The following POU6F2 variants were observed in gnomAD, a reference collection of about 807,000 sequenced individuals.
The protein encoded by POU6F2 is POU domain, class 6, transcription factor 2.
POU6F2 carries 31 observed loss-of-function variants against 71.3 expected under a neutral mutation model. The ratio of observed to expected loss-of-function variants is 0.43; its 90% CI spans 0.33 to 0.59. The LOEUF is 0.59. Ranked by LOEUF, POU6F2 falls within the 20% of genes least tolerant of loss-of-function variation. The pLI, the probability that POU6F2 is intolerant of heterozygous loss-of-function variation, is 0.04. For missense variants in POU6F2, 783 were observed against 856.8 expected, an observed-to-expected ratio of 0.91 and a Z score of 1.07; for synonymous variants, 347 against 355.7, an observed-to-expected ratio of 0.98 and a Z score of 0.27.
At chr7:39,231,602 A>G (rs879674170) in intron 4 of POU6F2, among the ~76,000 whole-genome samples, 1 of 152,162 alleles carries the variant, frequency 6.6e-6, no homozygotes, top group Non-Finnish European at 1.5e-5. Context: ...TCTTAGAGTT[A>G]AGCGGGTCTC....
chr7:39,305,891 C>T (rs1194271634), intron 4 of POU6F2, among the ~76,000 whole-genome samples: 1 of 152,178 alleles, frequency 6.6e-6, no homozygotes, highest in African/African-American at 2.4e-5. Flanking sequence ...TAAATTTACT[C>T]TTAGAAAACT....
At chr7:39,062,407 G>T (rs760349508) in intron 1 of POU6F2, among the ~76,000 whole-genome samples, 1 of 151,718 alleles carries the variant, frequency 6.6e-6, no homozygotes, top group South Asian at 2.1e-4. Flanking sequence ...GTTTGAACAC[G>T]ATCTACCTTC....
At chr7:39,005,951 T>C (rs910559224) in intron 1 of POU6F2, among the ~76,000 whole-genome samples, 2 of 152,144 alleles carry the variant, frequency 1.3e-5, no homozygotes, top group African/African-American at 4.8e-5. Context: ...CTGACAGAGA[T>C]CCAGGATAAT....
intron 2 of POU6F2, among the ~76,000 whole-genome samples, chr7:39,177,967 T>C (rs1225592490): frequency 6.6e-6 from 1 of 152,156 alleles, no homozygotes; most frequent in Non-Finnish European, 1.5e-5. Context: ...GCTTTAAAAC[T>C]TTCTTCAGCC....
chr7:39,363,650 C>T (rs186090746), intron 5 of POU6F2, among the ~76,000 whole-genome samples: 9 of 148,252 alleles, frequency 6.1e-5, no homozygotes, highest in Non-Finnish European at 3.0e-5. Context: ...AATTGGCCTA[C>T]GAGATTAAGA....
At position 39,235,498 on chromosome 7, in the gene POU6F2, TCTC is replaced by T. The variant is rs1794659341; in HGVS notation, c.598+27881_598+27883del. On this transcript the variant is annotated intron_variant, in intron 4 of 9. Transcript: ENST00000518318. Reference sequence around the variant, plus strand: ...TTCACCACCGGGCCACCCTGCCCCTTCTCCTGCCAGTCCACTGGGCTTTCTCCC... The same window carrying T: ...TTCACCACCGGGCCACCCTGCCCCTTCTGCCAGTCCACTGGGCTTTCTCCC... Among the ~76,000 whole-genome samples the T allele has an allele frequency of 3.3e-5, 5 of 152,232 alleles. No individual in the cohort carries two copies. In the South Asian group the frequency reaches 1.0e-3, roughly 32 times the overall value.
At chr7:39,150,327 T>C (rs1792730211) in intron 2 of POU6F2, among the ~76,000 whole-genome samples, 1 of 151,890 alleles carries the variant, frequency 6.6e-6, no homozygotes, top group East Asian at 1.9e-4. Flanking sequence ...GGAGTGTAGA[T>C]ATCTTTACAA....
Position 39,073,376 on chromosome 7 carries a change from T to TAA in POU6F2, c.106-12466_106-12465dup, listed in dbSNP as rs35194991. On this transcript the variant is annotated intron_variant, in intron 1 of 9. Coordinates refer to ENST00000518318, the MANE Select transcript of POU6F2 (RefSeq NM_001370959.1). ...AGCTGACGGAATGGGGAGAACCTAT[T>TAA]AAAAAAAAAAAAAAAAAAACCTTCT... 7.5e-4 allele frequency among the ~76,000 whole-genome samples: 100 copies of TAA among 133,172 alleles called. 1 individual carries two copies. Among genetic ancestry groups the TAA allele is most frequent in the African/African-American group, 1.3e-3 (46 of 35,904 alleles). 87.4% of individuals were successfully genotyped at this position (133,172 alleles called of 152,430 possible).
chr7:39,027,046 A>T (rs192966775), intron 1 of POU6F2, among the ~76,000 whole-genome samples: 145 of 152,212 alleles, frequency 9.5e-4, no homozygotes, highest in African/African-American at 3.4e-3. Flanking sequence ...CTTTCTGATG[A>T]TTGAAAGTGG....
intron 4 of POU6F2, among the ~76,000 whole-genome samples, chr7:39,231,060 T>G (rs1335812922): frequency 6.6e-6 from 1 of 152,148 alleles, no homozygotes; most frequent in Non-Finnish European, 1.5e-5. Context: ...AAATACCCTG[T>G]GAGGCACAGG....
At chr7:39,270,772 A>G (rs79080493) in intron 4 of POU6F2, among the ~76,000 whole-genome samples, 2,646 of 152,250 alleles carry the variant, frequency 0.017, 44 homozygotes, top group Non-Finnish European at 0.025. Flanking sequence ...ACATCTCTAG[A>G]ATGTGGATGG....
intron 2 of POU6F2, among the ~76,000 whole-genome samples, chr7:39,175,823 A>G (rs528218067): frequency 3.9e-4 from 60 of 152,210 alleles, no homozygotes; most frequent in African/African-American, 1.3e-3. Context: ...TTCACTCAGA[A>G]GACCCCACTC....
At chr7:39,340,036 G>A (rs758206148) in intron 5 of POU6F2, 21 bp downstream of exon 5, 61 of 1,581,478 alleles carry the variant, frequency 3.9e-5, no homozygotes, top group Admixed American at 1.0e-4. Flanking sequence ...CGTGCTTCCC[G>A]TCTGCCCCTA....
intron 4 of POU6F2, among the ~76,000 whole-genome samples, chr7:39,305,018 TCAAA>T (rs964365626): frequency 5.3e-5 from 8 of 152,230 alleles, no homozygotes; most frequent in African/African-American, 1.7e-4. Flanking sequence ...TAGCCTGTTT[TCAAA>T]CAAACAAACA....
At chr7:39,202,116 C>A (rs1037714811) in intron 2 of POU6F2, among the ~76,000 whole-genome samples, 5 of 152,180 alleles carry the variant, frequency 3.3e-5, no homozygotes, top group African/African-American at 1.2e-4. Flanking sequence ...TACTGAGCAC[C>A]AGCTAGGCCT....
intron 1 of POU6F2, among the ~76,000 whole-genome samples, chr7:39,019,417 T>C (rs1789628656): frequency 6.6e-6 from 1 of 151,696 alleles, no homozygotes; most frequent in Non-Finnish European, 1.5e-5. Flanking sequence ...TGTTCTTAGA[T>C]TTTTTTTCCT....
chr7:39,151,845 G>A (rs1357461119), intron 2 of POU6F2, among the ~76,000 whole-genome samples: 1 of 152,130 alleles, frequency 6.6e-6, no homozygotes, highest in African/African-American at 2.4e-5. Flanking sequence ...GCAGAGGACT[G>A]GAGTCTGGAA....
chr7:39,242,018 A>G (rs976084696), intron 4 of POU6F2, among the ~76,000 whole-genome samples: 2 of 152,024 alleles, frequency 1.3e-5, no homozygotes, highest in African/African-American at 4.8e-5. Context: ...CATATTTGAG[A>G]TTCATCTATG....
intron 7 of POU6F2, among the ~76,000 whole-genome samples, chr7:39,442,635 G>A (rs1452837943): frequency 6.6e-6 from 1 of 152,094 alleles, no homozygotes; most frequent in Non-Finnish European, 1.5e-5. Flanking sequence ...CTTCTAAGTG[G>A]TTCCTCAAAT....
Sources: allele counts gnomAD v4.1 joint callset (sites outside exome capture counted in the v4.1 genomes callset), GRCh38; gene constraint gnomAD v4.1.1; transcripts MANE v1.5; gene names NCBI Gene and HGNC (gene_info 2026-07-23, HGNC 2026-07-21).